The following COMT variants were observed in gnomAD, a reference collection of about 807,000 sequenced individuals.
The protein encoded by COMT is catechol-O-methyltransferase.
Under a neutral mutation model 18.9 loss-of-function variants are expected in COMT, and 13 were observed. The ratio of observed to expected loss-of-function variants is 0.69; its 90% CI spans 0.45 to 1.09. The LOEUF (loss-of-function observed/expected upper bound fraction) is 1.09. Ranked by LOEUF, COMT falls within the 50% of genes least tolerant of loss-of-function variation. The pLI, the probability that COMT is intolerant of heterozygous loss-of-function variation, is 0.00. For synonymous variants in COMT, 150 were observed against 160.9 expected (o/e 0.93, Z 0.51); for missense variants, 329 against 361.8 (o/e 0.91, Z 0.73).
intron 1 of COMT, among the ~76,000 whole-genome samples, chr22:19,952,441 C>T (rs1941960890): frequency 6.6e-6 from 1 of 151,992 alleles, no homozygotes; most frequent in Non-Finnish European, 1.5e-5. Flanking sequence ...AGATCGAGAC[C>T]ATCCTGGCTA....
chr22:19,942,492 G>T (rs58155206), intron 1 of COMT, among the ~76,000 whole-genome samples: 33 of 152,284 alleles, frequency 2.2e-4, no homozygotes, highest in African/African-American at 7.7e-4. Flanking sequence ...CCCAGGGTCG[G>T]GGGGATGTGT....
At chr22:19,959,569 A>G (rs992799845) in intron 1 of COMT, among the ~76,000 whole-genome samples, 35 of 151,706 alleles carry the variant, frequency 2.3e-4, no homozygotes, top group African/African-American at 8.2e-4. Context: ...GGAGGTGGTT[A>G]GCTGTCGGGA....
At chr22:19,944,226 A>C (rs1941797689) in intron 1 of COMT, among the ~76,000 whole-genome samples, 1 of 152,196 alleles carries the variant, frequency 6.6e-6, no homozygotes, top group African/African-American at 2.4e-5. Flanking sequence ...AGGCAGTGAC[A>C]GTCCAAGTGA....
intron 1 of COMT, among the ~76,000 whole-genome samples, chr22:19,947,545 G>C (rs1186377303): frequency 6.6e-6 from 1 of 152,206 alleles, no homozygotes; most frequent in Non-Finnish European, 1.5e-5. Context: ...CTGTTTGGCA[G>C]CCGAGGCGGA....
chr22:19,948,815 C>T (rs1941880816), intron 1 of COMT, among the ~76,000 whole-genome samples: 1 of 151,850 alleles, frequency 6.6e-6, no homozygotes, highest in Admixed American at 6.6e-5. Context: ...ATTAGCTGGG[C>T]GTGGTGCCAT....
chr22:19,967,421 A>G (rs1331216897), intron 5 of COMT: 1 of 469,664 alleles, frequency 2.1e-6, no homozygotes, highest in Non-Finnish European at 4.4e-6. Flanking sequence ...ATGAAAACAC[A>G]TCATGATTCA....
chr22:19,962,392 G>A (rs922174736), intron 2 of COMT, 135 bp from the exon 3 acceptor site: 26 of 1,460,506 alleles, frequency 1.8e-5, no homozygotes, highest in Non-Finnish European at 2.3e-5. Context: ...AGGCAACTGA[G>A]GCACAAGGCT....
At chr22:19,968,506 C>A (rs1942551374) in intron 5 of COMT, 30 bp from the exon 6 acceptor site, 1 of 1,606,248 alleles carries the variant, frequency 6.2e-7, no homozygotes, top group Non-Finnish European at 8.5e-7. Flanking sequence ...CTCTGACCCT[C>A]ACCTCCCCCA....
At chr22:19,950,459 A>C (rs1177392745) in intron 1 of COMT, among the ~76,000 whole-genome samples, 2 of 152,084 alleles carry the variant, frequency 1.3e-5, no homozygotes, top group Non-Finnish European at 2.9e-5. Context: ...TGTGAGGGGA[A>C]GGCTTTCTAC....
chr22:19,955,607 C>T (rs949308500), intron 1 of COMT, among the ~76,000 whole-genome samples: 1 of 152,232 alleles, frequency 6.6e-6, no homozygotes, highest in African/African-American at 2.4e-5. Flanking sequence ...CGTGTGTAAA[C>T]GCTTAGAACT....
At chr22:19,944,234 T>A in intron 1 of COMT, among the ~76,000 whole-genome samples, 1 of 152,148 alleles carries the variant, frequency 6.6e-6, no homozygotes, top group South Asian at 2.1e-4. Flanking sequence ...ACAGTCCAAG[T>A]GACAGGCAGA....
chr22:19,956,689 T>A (rs1289994348), intron 1 of COMT, among the ~76,000 whole-genome samples: 2 of 151,976 alleles, frequency 1.3e-5, no homozygotes, highest in Non-Finnish European at 2.9e-5. Context: ...TTTCTAGTTA[T>A]CTTTTACGGA....
intron 1 of COMT, among the ~76,000 whole-genome samples, chr22:19,957,058 C>T (rs1942079945): frequency 6.6e-6 from 1 of 151,142 alleles, no homozygotes; most frequent in South Asian, 2.1e-4. Flanking sequence ...TCACGCCATT[C>T]TCCTGCCTCA....
intron 1 of COMT, among the ~76,000 whole-genome samples, chr22:19,958,699 C>T (rs1029818617): frequency 3.6e-4 from 53 of 147,990 alleles, no homozygotes; most frequent in African/African-American, 1.3e-3. Context: ...AATATCGAGA[C>T]CCCACCTCCA....
Position 19,963,568 on chromosome 22 carries a change from A to G in COMT, c.292A>G (p.Lys98Glu). 6.2e-7 allele frequency: 1 copy of G among 1,612,038 alleles called. No individual in the cohort carries two copies. The highest frequency in any genetic ancestry group is 8.5e-7 in the Non-Finnish European group (1 of 1,179,986). ...CCTCCGTCCCCAACCCTGCACAGGCAAGATCGTGGACGCCGTGATTCAGGA... is the reference window on the plus strand; with the variant it reads ...CCTCCGTCCCCAACCCTGCACAGGCGAGATCGTGGACGCCGTGATTCAGGA... ...WAMNVGDKKG[K>E]IVDAVIQEHQ... The change falls in exon 4 of 6, where the codon AAG (lysine) becomes GAG (glutamate). Residue 98 changes from lysine to glutamate, a missense_variant and splice_region_variant. By Grantham distance (56) the Lys-to-Glu change is moderately conservative. Coordinates refer to ENST00000361682, the MANE Select transcript of COMT (RefSeq NM_000754.4).
chr22:19,950,251 T>C (rs1393343255), intron 1 of COMT, among the ~76,000 whole-genome samples: 2 of 134,598 alleles, frequency 1.5e-5, no homozygotes, highest in African/African-American at 2.7e-5. Context: ...CTTTTTTTTT[T>C]TTTTTTTTTT....
At chr22:19,955,530 T>C (rs886462741) in intron 1 of COMT, among the ~76,000 whole-genome samples, 3 of 152,266 alleles carry the variant, frequency 2.0e-5, no homozygotes, top group Non-Finnish European at 4.4e-5. Context: ...CCAGCCCTGT[T>C]GAGCAAGCCC....
intron 2 of COMT, chr22:19,962,306 A>G: frequency 2.9e-6 from 2 of 695,276 alleles, no homozygotes; most frequent in South Asian, 1.9e-5. Flanking sequence ...CAGGACTGCC[A>G]GAGGCACACA....
intron 2 of COMT, 119 bp from the exon 3 acceptor site, chr22:19,962,408 T>G: frequency 6.7e-7 from 1 of 1,496,006 alleles, no homozygotes; most frequent in Non-Finnish European, 8.9e-7. Context: ...AGGCTGGCAT[T>G]TCTGAACCTT....
Sources: allele counts gnomAD v4.1 joint callset (sites outside exome capture counted in the v4.1 genomes callset), GRCh38; gene constraint gnomAD v4.1.1; transcripts MANE v1.5; gene names NCBI Gene and HGNC (gene_info 2026-07-23, HGNC 2026-07-21).